The following EAF2 variants were observed in gnomAD, a reference collection of about 807,000 sequenced individuals.
EAF2 encodes ELL-associated factor 2.
In EAF2, 29 loss-of-function variants were observed where a neutral mutation model predicts 29.4. The observed-to-expected ratio is 0.99, with a 90% CI of 0.73 to 1.35. The LOEUF (loss-of-function observed/expected upper bound fraction) is 1.35, where lower values mean the gene tolerates loss of function less well. Ranked by LOEUF, EAF2 falls within the 40% of genes most tolerant of loss-of-function variation. EAF2 has a pLI of 0.00. For missense variants in EAF2, 292 were observed against 312.0 expected (o/e 0.94, Z 0.48); for synonymous variants, 103 against 102.5 (o/e 1.00, Z -0.03).
chr3:121,849,449 A>G lies in EAF2; in HGVS notation c.201+4902A>G, dbSNP rs1708588572. On this transcript the variant is annotated intron_variant, in intron 2 of 5. Transcript: ENST00000273668. The stretch of plus-strand genomic sequence containing the variant: ...CAAAGTGTCGAATTTTGAAAGAAAA[A>G]GTTTTACTTAACTTGACTGTTAAGA... Among the ~76,000 whole-genome samples the G allele has an allele frequency of 4.6e-5, 7 of 152,328 alleles. No individual in the cohort carries two copies. In the South Asian group the frequency reaches 1.4e-3, roughly 32 times the overall value.
chr3:121,866,393 C>T (rs1000264465), intron 4 of EAF2, among the ~76,000 whole-genome samples: 1 of 152,034 alleles, frequency 6.6e-6, no homozygotes, highest in Admixed American at 6.6e-5. Flanking sequence ...ATAGATCTCC[C>T]CTAGCATAAA....
chr3:121,860,764 C>T (rs186810265), intron 4 of EAF2, among the ~76,000 whole-genome samples: 48 of 152,094 alleles, frequency 3.2e-4, no homozygotes, highest in Non-Finnish European at 6.6e-4. Flanking sequence ...GGTGATGTTA[C>T]GGTGTCGATT....
At chr3:121,870,628 G>A (rs1214972365) in intron 4 of EAF2, among the ~76,000 whole-genome samples, 1 of 151,966 alleles carries the variant, frequency 6.6e-6, no homozygotes, top group Non-Finnish European at 1.5e-5. Flanking sequence ...GGGGAACCTG[G>A]AAAAAATATT....
intron 4 of EAF2, 56 bp from the exon 5 acceptor site, chr3:121,872,481 A>T (rs1381638711): frequency 9.2e-6 from 12 of 1,304,426 alleles, no homozygotes; most frequent in Non-Finnish European, 1.2e-5. Context: ...AATTTTTATT[A>T]TATTTATTTA....
Position 121,844,456 on chromosome 3 carries a change from A to T in EAF2, c.110A>T (p.Asp37Val), listed in dbSNP as rs1708486914. 6.3e-7 allele frequency: 1 copy of T among 1,595,090 alleles called. No homozygotes were observed. Among genetic ancestry groups the T allele is most frequent in the African/African-American group, 1.4e-5 (1 of 73,954 alleles). The change falls in exon 2 of 6, where the codon GAC (aspartate) becomes GTC (valine). Residue 37 changes from aspartate to valine, a missense_variant. By Grantham distance (152) the Asp-to-Val change is radical. Transcript: ENST00000273668. ...TGGTATTTGTATCTATTTTTAGATG[A>T]CTTCAAACCTGCTTCTATTGACACT... Reference protein sequence around the residue: ...PRCAFHTVRYDFKPASIDTSS... With the variant: ...PRCAFHTVRYVFKPASIDTSS...
At chr3:121,883,470 A>G (rs1383050043) in intron 5 of EAF2, among the ~76,000 whole-genome samples, 1 of 152,248 alleles carries the variant, frequency 6.6e-6, no homozygotes, top group African/African-American at 2.4e-5. Flanking sequence ...AATATGTGCA[A>G]AACAATACTT....
chr3:121,849,790 G>A (rs1708594118), intron 2 of EAF2, among the ~76,000 whole-genome samples: 1 of 151,960 alleles, frequency 6.6e-6, no homozygotes. Flanking sequence ...GACCTCATCT[G>A]ATTTTAGGAC....
intron 1 of EAF2, among the ~76,000 whole-genome samples, chr3:121,839,344 C>G (rs1176438006): frequency 2.0e-5 from 3 of 152,132 alleles, no homozygotes; most frequent in Admixed American, 6.5e-5. Context: ...GACTATGATT[C>G]CCACTGGTCA....
intron 5 of EAF2, among the ~76,000 whole-genome samples, chr3:121,877,800 T>C (rs1709126696): frequency 6.6e-6 from 1 of 152,124 alleles, no homozygotes; most frequent in Non-Finnish European, 1.5e-5. Context: ...AGATGGAGTC[T>C]CGCTTTGTTT....
At chr3:121,854,081 T>C (rs564875954) in intron 2 of EAF2, among the ~76,000 whole-genome samples, 3 of 152,180 alleles carry the variant, frequency 2.0e-5, no homozygotes, top group African/African-American at 4.8e-5. Flanking sequence ...TTTGGGAGAC[T>C]GAGATGGGTG....
At chr3:121,868,570 C>T (rs1708962626) in intron 4 of EAF2, among the ~76,000 whole-genome samples, 1 of 152,106 alleles carries the variant, frequency 6.6e-6, no homozygotes, top group Non-Finnish European at 1.5e-5. Flanking sequence ...TGCACTGCAG[C>T]TTGGGTGACA....
rs767896628 is a variant in EAF2, at chr3:121,844,521, G to T, written c.175G>T (p.Val59Leu). The T allele has an allele frequency of 4.0e-5, 65 of 1,610,454 alleles. 1 individual carries two copies. In the East Asian group the frequency reaches 1.4e-3, roughly 36 times the overall value. Residue 59 changes from valine to leucine, a missense_variant, in exon 2 of 6, where the codon GTG (valine) becomes TTG (leucine). Coordinates refer to ENST00000273668, the MANE Select transcript of EAF2 (RefSeq NM_018456.6). ...CCTTGAGGTTGGTGAAGGTGAACAG[G>T]TGACCATAACTCTGCCAAATATAGA... ...GYLEVGEGEQ[V>L]TITLPNIEGS...
At chr3:121,856,212 A>C (rs1038992302) in intron 3 of EAF2, among the ~76,000 whole-genome samples, 6 of 152,198 alleles carry the variant, frequency 3.9e-5, no homozygotes, top group African/African-American at 1.4e-4. Flanking sequence ...TTTAACAGAA[A>C]TGATAATCTT....
chr3:121,837,966 G>C (rs1708335907), intron 1 of EAF2, among the ~76,000 whole-genome samples: 1 of 152,110 alleles, frequency 6.6e-6, no homozygotes, highest in African/African-American at 2.4e-5. Flanking sequence ...TCCTAAGTTT[G>C]TAAATGACAC....
intron 1 of EAF2, among the ~76,000 whole-genome samples, chr3:121,837,062 G>A (rs1024759562): frequency 1.3e-5 from 2 of 151,910 alleles, no homozygotes; most frequent in African/African-American, 4.8e-5. Flanking sequence ...ACAAAAATAA[G>A]CAAAACAACA....
At chr3:121,836,085 C>T (rs1180129402) in intron 1 of EAF2, 2 of 152,104 alleles carry the variant, frequency 1.3e-5, no homozygotes, top group Non-Finnish European at 2.9e-5. Flanking sequence ...GAAAAAGGAG[C>T]TCTTTTGCTT....
intron 2 of EAF2, among the ~76,000 whole-genome samples, chr3:121,852,388 T>C (rs548665394): frequency 6.6e-6 from 1 of 152,170 alleles, no homozygotes; most frequent in Non-Finnish European, 1.5e-5. Context: ...AGACCCACTT[T>C]GTTTGGTTAT....
At position 121,879,568 on chromosome 3, in the gene EAF2, A is replaced by G. The variant is rs533448903; in HGVS notation, c.737-6774A>G. On this transcript the variant is annotated intron_variant, in intron 5 of 5. Coordinates refer to ENST00000273668, the MANE Select transcript of EAF2 (RefSeq NM_018456.6). ...CCATTTTGATTTTATTTTTGTTTAT[A>G]GTGAGAAATGGGGGTCTAGTTCCTT... 3.3e-5 allele frequency among the ~76,000 whole-genome samples: 5 copies of G among 150,482 alleles called. No individual in the cohort carries two copies. In the South Asian group the frequency reaches 1.1e-3, roughly 32 times the overall value.
intron 4 of EAF2, among the ~76,000 whole-genome samples, chr3:121,863,012 A>G (rs1484816591): frequency 6.6e-6 from 1 of 152,130 alleles, no homozygotes; most frequent in Non-Finnish European, 1.5e-5. Context: ...AGAGTAGCAA[A>G]TATTGCAGAA....
Sources: gnomAD v4.1 joint callset for allele counts (sites outside exome capture counted in the v4.1 genomes callset) on GRCh38, gnomAD v4.1.1 for gene constraint, MANE v1.5 for transcripts, NCBI Gene and HGNC (gene_info 2026-07-23, HGNC 2026-07-21) for gene names.